The following PRKN variants were observed in gnomAD, a reference collection of about 807,000 sequenced individuals.
PRKN encodes parkin RBR E3 ubiquitin protein ligase, also known as E3 ubiquitin-protein ligase parkin.
PRKN carries 56 observed loss-of-function variants against 59.5 expected under a neutral mutation model. The observed-to-expected ratio is 0.94, with a 90% confidence interval of 0.76 to 1.18. The LOEUF (loss-of-function observed/expected upper bound fraction) is 1.18. PRKN is among the 50% of genes most tolerant of loss of function. The pLI is 0.00. For missense variants in PRKN, 657 were observed against 596.4 expected (o/e 1.10, Z -1.06); for synonymous variants, 250 against 222.1 (o/e 1.13, Z -1.12).
At chr6:162,338,793 A>T (rs1368192935) in intron 2 of PRKN, among the ~76,000 whole-genome samples, 2 of 139,816 alleles carry the variant, frequency 1.4e-5, no homozygotes, top group Non-Finnish European at 1.6e-5. Context: ...CCGCCATCCC[A>T]TCTAGGAAGT....
At chr6:162,270,017 TG>T (rs1170878354) in intron 2 of PRKN, 1 of 152,332 alleles carries the variant, frequency 6.6e-6, no homozygotes, top group East Asian at 1.9e-4. Flanking sequence ...ATCCCACTAC[TG>T]GGTATCTACC....
chr6:162,020,152 G>A (rs984769947), intron 5 of PRKN, among the ~76,000 whole-genome samples: 24 of 151,960 alleles, frequency 1.6e-4, no homozygotes, highest in African/African-American at 5.8e-4. Context: ...GACTCTTCCT[G>A]CGGAGAACAA....
At position 161,525,588 on chromosome 6, in the gene PRKN, T is replaced by G. The variant is rs1489092433; in HGVS notation, c.1083+23266A>C. Among the ~76,000 whole-genome samples, 6 of 152,166 alleles carry G rather than the reference T, an allele frequency of 3.9e-5. No individual in the cohort carries two copies. Among genetic ancestry groups the G allele is most frequent in the Non-Finnish European group, 1.5e-5 (1 of 68,026 alleles). On this transcript the variant is annotated intron_variant, in intron 9 of 11. Coordinates refer to ENST00000366898, the MANE Select transcript of PRKN (RefSeq NM_004562.3). This position sits in a 1 kb window ranked among gnomAD's most constrained non-coding sequence, Gnocchi z 4.7. ...GAAAGCAAAGAGAGGAAAAGTTTAG[T>G]TTATGAGAAGGCTGTAGGAGGCAGT...
chr6:161,436,846 T>C (rs1788938409), intron 9 of PRKN, among the ~76,000 whole-genome samples: 1 of 152,062 alleles, frequency 6.6e-6, no homozygotes, highest in Admixed American at 6.6e-5. Context: ...TCTCTCTATG[T>C]GTTAGGTTCC....
At chr6:162,070,145 T>C (rs1778514116) in intron 4 of PRKN, among the ~76,000 whole-genome samples, 1 of 152,232 alleles carries the variant, frequency 6.6e-6, no homozygotes, top group South Asian at 2.1e-4. Context: ...TGTTCATGTG[T>C]AACTGCAGAA....
At chr6:162,505,918 T>C (rs1008220401) in intron 1 of PRKN, among the ~76,000 whole-genome samples, 1 of 152,164 alleles carries the variant, frequency 6.6e-6, no homozygotes, top group African/African-American at 2.4e-5. Context: ...TTCTGTAGGA[T>C]AACCACATTG....
At chr6:162,311,365 A>G (rs957193357) in intron 2 of PRKN, among the ~76,000 whole-genome samples, 3 of 152,182 alleles carry the variant, frequency 2.0e-5, no homozygotes, top group African/African-American at 7.2e-5. Flanking sequence ...GAGGAATCTG[A>G]AAATCAGAAA....
At chr6:162,595,419 C>A (rs551633436) in intron 1 of PRKN, among the ~76,000 whole-genome samples, 4 of 151,786 alleles carry the variant, frequency 2.6e-5, no homozygotes, top group African/African-American at 9.7e-5. Flanking sequence ...CCACACCCGG[C>A]TAGTTTTTGT....
chr6:161,505,890 T>C (rs1778148884), intron 9 of PRKN, among the ~76,000 whole-genome samples: 5 of 150,932 alleles, frequency 3.3e-5, no homozygotes, highest in Admixed American at 3.3e-4. Flanking sequence ...TCTATATCTC[T>C]GTTTTGGTAC....
intron 3 of PRKN, among the ~76,000 whole-genome samples, chr6:162,260,337 A>G (rs1377892712): frequency 6.6e-6 from 1 of 152,172 alleles, no homozygotes; most frequent in Non-Finnish European, 1.5e-5. Context: ...CAGTACTCTG[A>G]AGGCTGCTGT....
chr6:161,615,204 G>T (rs572533831), intron 7 of PRKN, among the ~76,000 whole-genome samples: 1 of 152,190 alleles, frequency 6.6e-6, no homozygotes, highest in South Asian at 2.1e-4. Context: ...TCTTGAAACA[G>T]CTAGATGCCT....
intron 5 of PRKN, among the ~76,000 whole-genome samples, chr6:161,982,962 A>T (rs1254326301): frequency 4.3e-5 from 1 of 23,374 alleles, no homozygotes; most frequent in Non-Finnish European, 7.0e-5. Context: ...ATCAGAGTGA[A>T]CAGGCAACCT....
Position 161,560,435 on chromosome 6 carries a change from C to G in PRKN, c.933+8920G>C, listed in dbSNP as rs751969767. On this transcript the variant is annotated intron_variant, in intron 8 of 11. Coordinates refer to ENST00000366898, the MANE Select transcript of PRKN (RefSeq NM_004562.3). This position sits in a 1 kb window ranked among gnomAD's most constrained non-coding sequence, Gnocchi z 4.9. ...CACTCCTTTGAGACCCATGCTTCAC[C>G]CTCACCTCCTCACTGCTGCCCCCTG... Among the ~76,000 whole-genome samples, 1 of 152,096 alleles carries G rather than the reference C, an allele frequency of 6.6e-6. No homozygotes were observed. The highest frequency in any genetic ancestry group is 1.5e-5 in the Non-Finnish European group (1 of 68,014).
intron 9 of PRKN, among the ~76,000 whole-genome samples, chr6:161,421,496 A>G (rs1448680119): frequency 6.6e-6 from 1 of 152,202 alleles, no homozygotes; most frequent in African/African-American, 2.4e-5. Flanking sequence ...CAGGACCAGC[A>G]TGAGGGTGGA....
At chr6:161,718,188 G>A (rs1252815336) in intron 7 of PRKN, among the ~76,000 whole-genome samples, 2 of 152,104 alleles carry the variant, frequency 1.3e-5, no homozygotes, top group East Asian at 1.9e-4. Flanking sequence ...ATGAGAAAAC[G>A]GATTTGAAAG....
intron 7 of PRKN, among the ~76,000 whole-genome samples, chr6:161,709,475 C>G (rs1786651574): frequency 6.6e-6 from 1 of 152,162 alleles, no homozygotes; most frequent in Non-Finnish European, 1.5e-5. Context: ...GTACCAAAGT[C>G]TGAACAAATA....
intron 9 of PRKN, among the ~76,000 whole-genome samples, chr6:161,479,298 A>G (rs1791275171): frequency 6.6e-6 from 1 of 152,218 alleles, no homozygotes; most frequent in South Asian, 2.1e-4. Context: ...ATGTATAATA[A>G]TACTAATAGT....
chr6:161,859,506 G>C (rs187783344), intron 6 of PRKN, among the ~76,000 whole-genome samples: 1 of 150,664 alleles, frequency 6.6e-6, no homozygotes, highest in East Asian at 2.0e-4. Flanking sequence ...AGCTACTCGG[G>C]AGGATGTGGC....
At chr6:162,026,042 G>T (rs1347399515) in intron 5 of PRKN, among the ~76,000 whole-genome samples, 2 of 152,126 alleles carry the variant, frequency 1.3e-5, no homozygotes, top group Non-Finnish European at 2.9e-5. Flanking sequence ...CGCAGGTCCT[G>T]TCAAATGAAA....
Sources: allele counts gnomAD v4.1 joint callset (sites outside exome capture counted in the v4.1 genomes callset), GRCh38; gene constraint gnomAD v4.1.1; non-coding constraint Gnocchi (gnomAD v3.1); transcripts MANE v1.5; gene names NCBI Gene and HGNC (gene_info 2026-07-23, HGNC 2026-07-21).